The following CDC42BPB variants were observed in gnomAD, a reference collection of about 807,000 sequenced individuals.
CDC42BPB encodes CDC42 binding protein kinase beta, also known as serine/threonine-protein kinase MRCK beta.
CDC42BPB carries 37 observed loss-of-function variants against 214.9 expected under a neutral mutation model. The ratio of observed to expected loss-of-function variants is 0.17; its 90% CI spans 0.13 to 0.23. CDC42BPB has a LOEUF of 0.23. Among genes scored for constraint, CDC42BPB ranks in the 10% least tolerant of loss-of-function variants. The pLI is 1.00. For missense variants in CDC42BPB, 1,694 were observed against 2,227.0 expected, an observed-to-expected ratio of 0.76 and a Z score of 4.82; for synonymous variants, 931 against 884.0, an observed-to-expected ratio of 1.05 and a Z score of -0.94.
At chr14:102,949,108 A>G (rs1356940543) in intron 26 of CDC42BPB, among the ~76,000 whole-genome samples, 1 of 152,212 alleles carries the variant, frequency 6.6e-6, no homozygotes, top group African/African-American at 2.4e-5. Context: ...ACACAAAGGC[A>G]GTAGCATGGC....
At chr14:102,979,516 T>C (rs1893906376) in intron 8 of CDC42BPB, among the ~76,000 whole-genome samples, 1 of 152,060 alleles carries the variant, frequency 6.6e-6, no homozygotes, top group South Asian at 2.1e-4. Flanking sequence ...CCGGCCCAGA[T>C]TTACCTTTTC....
intron 36 of CDC42BPB, chr14:102,936,974 G>C (rs1891671334): frequency 6.6e-6 from 1 of 152,196 alleles, no homozygotes; most frequent in Non-Finnish European, 1.5e-5. Context: ...GGAGTTGGGA[G>C]ACCAGCCTGG....
intron 14 of CDC42BPB, chr14:102,968,995 G>A: frequency 1.5e-6 from 1 of 650,464 alleles, no homozygotes; most frequent in Non-Finnish European, 1.9e-6. Context: ...TTCTTCTGAG[G>A]GCTGACTCTG....
rs765461958 is a variant in CDC42BPB at position 102,952,663 on chromosome 14, T to C, written c.3067-60A>G. 3.4e-5 allele frequency: 53 copies of C among 1,575,324 alleles called. 1 individual carries two copies. In the Middle Eastern group the frequency reaches 8.3e-4, roughly 25 times the overall value. On this transcript the variant is annotated intron_variant, in intron 23 of 36. Transcript: ENST00000361246. ...CATGGACTCTTGAGAGTCAGATCCA[T>C]CTGCCTGTGATCCAGTTTATACACA...
intron 5 of CDC42BPB, among the ~76,000 whole-genome samples, chr14:102,987,164 C>T (rs984349795): frequency 9.2e-5 from 14 of 152,192 alleles, no homozygotes; most frequent in African/African-American, 3.4e-4. Flanking sequence ...CCGCCCCATA[C>T]CCCCAAAACT....
chr14:103,017,943 A>G (rs1181072702), intron 1 of CDC42BPB, among the ~76,000 whole-genome samples: 1 of 152,228 alleles, frequency 6.6e-6, no homozygotes, highest in Non-Finnish European at 1.5e-5. Flanking sequence ...TACATGCTAA[A>G]GCAGTGGTCC....
At position 102,966,292 on chromosome 14, in the gene CDC42BPB, G is replaced by A. The variant is rs1893197344; in HGVS notation, c.2567C>T (p.Ser856Leu). ...LEALRSSSLGSRTLDPLWKVR... is the reference protein window; with the variant it reads ...LEALRSSSLGLRTLDPLWKVR... ...TTACACAAAACCTACCAGTGTTCTTGACCCCAGACTAGAACTCCTCAAAGC... is the reference window on the plus strand; with the variant it reads ...TTACACAAAACCTACCAGTGTTCTTAACCCCAGACTAGAACTCCTCAAAGC... The change falls in exon 18 of 37, where the codon TCA becomes TTA. Residue 856 changes from serine to leucine, a missense_variant. By Grantham distance (145) the Ser-to-Leu change is moderately radical (BLOSUM62 -2). This residue lies in a region of CDC42BPB where 55 missense variants were observed against 95.5 expected (regional missense o/e 0.58). Coordinates refer to ENST00000361246, the MANE Select transcript of CDC42BPB (RefSeq NM_006035.4). 1 of 1,613,054 alleles carries A rather than the reference G, an allele frequency of 6.2e-7. No individual in the cohort carries two copies. The highest frequency in any genetic ancestry group is 1.1e-5 in the South Asian group (1 of 91,022).
chr14:102,962,395 G>A (rs1893001466), intron 20 of CDC42BPB, among the ~76,000 whole-genome samples: 2 of 152,218 alleles, frequency 1.3e-5, no homozygotes, highest in Non-Finnish European at 2.9e-5. Context: ...AAATGCCAGG[G>A]AATAAACCAT....
At position 102,971,990 on chromosome 14, in the gene CDC42BPB, T is replaced by C. The variant is rs372499348; in HGVS notation, c.1813A>G (p.Met605Val). The change falls in exon 13 of 37, where the codon ATG becomes GTG. Residue 605 changes from methionine (M) to valine (V), a missense_variant. By Grantham distance (21) the Met-to-Val change is conservative. Transcript: ENST00000361246. ...TCCACCTTCTGCGTGGCCACCTCCA[T>C]CTCCTCCTCCTTGTCTCGCAGCTGC... is the stretch of plus-strand genomic sequence containing the variant. Reference protein sequence around the residue: ...SRQLRDKEEEMEVATQKVDAM... With the variant: ...SRQLRDKEEEVEVATQKVDAM... The C allele has an allele frequency of 1.7e-5, 28 of 1,614,108 alleles. No individual in the cohort carries two copies. Among genetic ancestry groups the C allele is most frequent in the Non-Finnish European group, 2.4e-5 (28 of 1,180,052 alleles).
intron 1 of CDC42BPB, among the ~76,000 whole-genome samples, chr14:103,031,984 A>AT (rs1316692718): frequency 2.1e-4 from 30 of 144,980 alleles, no homozygotes; most frequent in African/African-American, 4.0e-4. Flanking sequence ...TATTATTATT[A>AT]TTATTATTTT....
At chr14:102,974,232 AAATT>A in intron 11 of CDC42BPB, 83 bp from the exon 12 acceptor site, 1 of 1,549,062 alleles carries the variant, frequency 6.5e-7, no homozygotes, top group Non-Finnish European at 8.6e-7. Flanking sequence ...TACTGACAGG[AAATT>A]ATTTAATAAT....
rs1895005562 is a variant in CDC42BPB, at chr14:103,001,944, C to T, written c.447+1984G>A. Among the ~76,000 whole-genome samples the T allele has an allele frequency of 6.6e-6, 1 of 152,194 alleles. No individual in the cohort carries two copies. The highest frequency in any genetic ancestry group is 1.5e-5 in the Non-Finnish European group (1 of 68,038). On this transcript the variant is annotated intron_variant, in intron 4 of 36. Coordinates refer to ENST00000361246, the MANE Select transcript of CDC42BPB (RefSeq NM_006035.4). This position sits in a 1 kb window ranked among gnomAD's most constrained non-coding sequence, Gnocchi z 5.8. ...ACGCGGGAGCTCGTGAGGCAGACGGCGGAGGCCCACTCCAGAATGAGAATC... is the reference window on the plus strand; with the variant it reads ...ACGCGGGAGCTCGTGAGGCAGACGGTGGAGGCCCACTCCAGAATGAGAATC...
intron 13 of CDC42BPB, among the ~76,000 whole-genome samples, chr14:102,971,442 A>G (rs1893469090): frequency 6.6e-6 from 1 of 152,246 alleles, no homozygotes; most frequent in African/African-American, 2.4e-5. Flanking sequence ...AAGACACTTC[A>G]GAAGCACTCA....
intron 1 of CDC42BPB, among the ~76,000 whole-genome samples, chr14:103,036,513 T>A (rs1456696330): frequency 2.0e-5 from 3 of 152,122 alleles, no homozygotes; most frequent in Non-Finnish European, 4.4e-5. Flanking sequence ...ACTACAGTAA[T>A]TCTGACGCCA....
Position 102,972,172 on chromosome 14 carries a change from A to G in CDC42BPB, c.1642-11T>C. ...GGCTTCAACCAGTTGCTGAACAAAAACAATTATAGATGTTTTACGTTTGCC... is the reference window on the plus strand; with the variant it reads ...GGCTTCAACCAGTTGCTGAACAAAAGCAATTATAGATGTTTTACGTTTGCC... On this transcript the variant is annotated splice_polypyrimidine_tract_variant and intron_variant, in intron 12 of 36. Coordinates refer to ENST00000361246, the MANE Select transcript of CDC42BPB (RefSeq NM_006035.4). The G allele has an allele frequency of 1.2e-6, 2 of 1,611,806 alleles. No homozygotes were observed. Among genetic ancestry groups the G allele is most frequent in the Non-Finnish European group, 1.7e-6 (2 of 1,178,132 alleles).
intron 1 of CDC42BPB, 36 bp from the exon 2 acceptor site, chr14:103,012,224 A>G (rs185881008): frequency 2.3e-4 from 367 of 1,564,130 alleles, no homozygotes; most frequent in Middle Eastern, 1.3e-3. Flanking sequence ...AATTTAGTCT[A>G]ATCAGTTCAT....
intron 6 of CDC42BPB, among the ~76,000 whole-genome samples, chr14:102,984,798 C>G (rs527379137): frequency 1.3e-5 from 2 of 152,266 alleles, no homozygotes; most frequent in Non-Finnish European, 2.9e-5. Context: ...GGAAGAGAGA[C>G]ACAGGGTCCA....
At chr14:102,964,322 A>G (rs182398620) in intron 19 of CDC42BPB, among the ~76,000 whole-genome samples, 180 bp downstream of exon 19, 8 of 152,354 alleles carry the variant, frequency 5.3e-5, no homozygotes, top group Admixed American at 3.3e-4. Flanking sequence ...CCTCAGTGCC[A>G]GAACGGCCTG....
chr14:102,991,012 T>C (rs1257791917), intron 5 of CDC42BPB, among the ~76,000 whole-genome samples: 2 of 152,174 alleles, frequency 1.3e-5, no homozygotes, highest in South Asian at 2.1e-4. Flanking sequence ...TCTGCAACCA[T>C]GCAAAGACTG....
Sources: allele counts gnomAD v4.1 joint callset (sites outside exome capture counted in the v4.1 genomes callset), GRCh38; gene constraint gnomAD v4.1.1; regional missense constraint gnomAD v4.1.1; non-coding constraint Gnocchi (gnomAD v3.1); transcripts MANE v1.5; gene names NCBI Gene and HGNC (gene_info 2026-07-23, HGNC 2026-07-21).